Variants in PCBD2 observed in about 807,000 individuals in gnomAD.
PCBD2 encodes pterin-4-alpha-carbinolamine dehydratase 2.
A neutral mutation model predicts 16.4 loss-of-function variants in PCBD2; 12 were observed. The ratio of observed to expected loss-of-function variants is 0.73; its 90% CI spans 0.47 to 1.19. The LOEUF (loss-of-function observed/expected upper bound fraction) is 1.19, where lower values mean the gene tolerates loss of function less well. Ranked by LOEUF, PCBD2 falls within the 50% of genes most tolerant of loss-of-function variation. PCBD2 has a pLI of 0.00. For synonymous variants in PCBD2, 58 were observed against 61.8 expected (o/e 0.94, Z 0.29); for missense variants, 138 against 156.8 (o/e 0.88, Z 0.64).
chr5:134,956,537 T>TG (rs1751417172), intron 2 of PCBD2, among the ~76,000 whole-genome samples: 1 of 152,252 alleles, frequency 6.6e-6, no homozygotes, highest in Non-Finnish European at 1.5e-5. Flanking sequence ...AATGACATGG[T>TG]TCAAAGAAAT....
intron 2 of PCBD2, among the ~76,000 whole-genome samples, chr5:134,914,549 A>G (rs1279364715): frequency 1.3e-5 from 2 of 152,160 alleles, no homozygotes; most frequent in Non-Finnish European, 2.9e-5. Flanking sequence ...CAATGGAGGA[A>G]CAGAGGGACA....
intron 2 of PCBD2, among the ~76,000 whole-genome samples, chr5:134,955,448 C>T (rs750373530): frequency 7.9e-5 from 12 of 151,704 alleles, no homozygotes; most frequent in Non-Finnish European, 1.5e-4. Flanking sequence ...GCTGGGACTA[C>T]AGGCACACGC....
Position 134,960,669 on chromosome 5 carries a change from T to C in PCBD2, c.381T>C (p.Ala127=), listed in dbSNP as rs1178707847. Residue 127 remains alanine, a synonymous_variant, in exon 4 of 4, where the codon GCT becomes GCC. Transcript: ENST00000254908. ...TGGCCAAGTTTATTGAAAAAGCAGCTGCTTCTGTGTGATTTCTTCCAAAAT... is the reference window on the plus strand; with the variant it reads ...TGGCCAAGTTTATTGAAAAAGCAGCCGCTTCTGTGTGATTTCTTCCAAAAT... ...VKLAKFIEKA[A]ASV is the part of the protein sequence containing the mutation. The C allele has an allele frequency of 6.2e-7, 1 of 1,609,548 alleles. No homozygotes were observed. The highest frequency in any genetic ancestry group is 8.5e-7 in the Non-Finnish European group (1 of 1,176,116).
In PCBD2 at chr5:134,927,504, A is replaced by G. The variant is rs1751025849; in HGVS notation, c.216+17038A>G. 7.5e-6 allele frequency: 3 copies of G among 397,998 alleles called. No homozygotes were observed. The East Asian group carries it at 1.1e-4, about 14-fold the overall frequency. 24.7% of individuals were successfully genotyped at this position (397,998 alleles called of 1,614,324 possible). ...TAGTTCTTGGGCAGTAAGAGTGAGT[A>G]ATAGAATATTCAGTGAGCCTAGGGT... On this transcript the variant is annotated intron_variant, in intron 2 of 3. Transcript: ENST00000254908.
intron 2 of PCBD2, among the ~76,000 whole-genome samples, chr5:134,939,507 C>G (rs1314327811): frequency 6.6e-6 from 1 of 151,940 alleles, no homozygotes; most frequent in African/African-American, 2.4e-5. Flanking sequence ...GTGCATAGTG[C>G]CCCTGTCTGT....
At chr5:134,919,855 T>G (rs546878759) in intron 2 of PCBD2, among the ~76,000 whole-genome samples, 4 of 152,328 alleles carry the variant, frequency 2.6e-5, no homozygotes, top group African/African-American at 9.6e-5. Context: ...ATCAATAGCT[T>G]TCGGGTTTGC....
intron 2 of PCBD2, among the ~76,000 whole-genome samples, chr5:134,915,841 G>A (rs1750826097): frequency 6.6e-6 from 1 of 152,122 alleles, no homozygotes; most frequent in Non-Finnish European, 1.5e-5. Flanking sequence ...GCCCTCAGTG[G>A]GGTTTAAGGG....
chr5:134,930,363 A>T (rs1376778090), intron 2 of PCBD2, among the ~76,000 whole-genome samples: 4 of 151,948 alleles, frequency 2.6e-5, no homozygotes, highest in Admixed American at 1.3e-4. Context: ...CCAGGGGAAC[A>T]TAGTGTTTCA....
In PCBD2 at chr5:134,905,159, C is replaced by T; in HGVS notation, c.20C>T (p.Ala7Val). 5 of 1,221,844 alleles carry T rather than the reference C, an allele frequency of 4.1e-6. No homozygotes were observed. The highest frequency in any genetic ancestry group is 5.1e-6 in the Non-Finnish European group (5 of 981,982). The allele number at this position is 1,221,844 out of a possible 1,614,324, so 75.7% of individuals were successfully genotyped here. A position where few individuals can be genotyped will look rare whatever the true frequency, so the allele number is the denominator to read the frequency against. ...CGGCCAATGGCGGCGGTGCTCGGGG[C>T]GCTCGGGGCGACGCGGCGCTTGTTG... Reference protein sequence around the residue: MAAVLGALGATRRLLAA... With the variant: MAAVLGVLGATRRLLAA... Residue 7 changes from alanine (A) to valine (V), a missense_variant, in exon 1 of 4, where the codon GCG becomes GTG. Physicochemically the swap from Ala to Val is moderately conservative, Grantham distance 64 (BLOSUM62 0). Transcript: ENST00000254908.
At chr5:134,908,555 C>T (rs544004896) in intron 1 of PCBD2, among the ~76,000 whole-genome samples, 7 of 151,536 alleles carry the variant, frequency 4.6e-5, no homozygotes, top group African/African-American at 1.7e-4. Flanking sequence ...ATCACAGCTA[C>T]TCAGGAGGCT....
chr5:134,947,191 C>T (rs1227934720), intron 2 of PCBD2, among the ~76,000 whole-genome samples: 2 of 150,792 alleles, frequency 1.3e-5, no homozygotes, highest in Admixed American at 1.3e-4. Context: ...CTCCTGGGTT[C>T]AAGCGATTAT....
intron 2 of PCBD2, chr5:134,924,260 C>CG (rs1357952343): frequency 5.1e-6 from 2 of 392,428 alleles, no homozygotes; most frequent in Non-Finnish European, 9.0e-6. Flanking sequence ...TTCTGAATTA[C>CG]GGGGGAGGTT....
chr5:134,905,298 G>A, intron 1 of PCBD2, 75 bp downstream of exon 1: 2 of 1,171,060 alleles, frequency 1.7e-6, no homozygotes, highest in Non-Finnish European at 2.1e-6. Flanking sequence ...GTCGGCTGAG[G>A]GACCAGCGGG....
intron 2 of PCBD2, among the ~76,000 whole-genome samples, chr5:134,922,793 G>A (rs1750920432): frequency 6.6e-6 from 1 of 151,938 alleles, no homozygotes; most frequent in Admixed American, 6.6e-5. Context: ...CTCCCGAGTA[G>A]CTGGGATTAC....
chr5:134,959,736 A>G (rs1194519437), intron 3 of PCBD2, among the ~76,000 whole-genome samples: 1 of 152,182 alleles, frequency 6.6e-6, no homozygotes, highest in African/African-American at 2.4e-5. Flanking sequence ...GTGACTTAAT[A>G]GAATAACTCA....
intron 1 of PCBD2, 39 bp downstream of exon 1, chr5:134,905,262 C>A (rs1750670425): frequency 1.7e-6 from 2 of 1,161,424 alleles, no homozygotes; most frequent in Admixed American, 4.4e-5. Context: ...GGTCCGGGGT[C>A]GGGGGGCGGT....
chr5:134,955,309 G>GTTT (rs201125597), intron 2 of PCBD2, among the ~76,000 whole-genome samples: 5 of 131,112 alleles, frequency 3.8e-5, no homozygotes, highest in Non-Finnish European at 4.9e-5. Context: ...AGCAACAATG[G>GTTT]TTTTTTTTTT....
At chr5:134,940,170 T>A (rs930367807) in intron 2 of PCBD2, among the ~76,000 whole-genome samples, 1 of 152,190 alleles carries the variant, frequency 6.6e-6, no homozygotes, top group African/African-American at 2.4e-5. Context: ...TAATTTTCCA[T>A]TATACTCTGC....
intron 1 of PCBD2, among the ~76,000 whole-genome samples, chr5:134,906,195 T>TA (rs70976559): frequency 1.5e-4 from 2 of 13,696 alleles, no homozygotes; most frequent in African/African-American, 4.9e-4. Context: ...AATAGAAGAA[T>TA]TTTTTTTTTT....
Sources: gnomAD v4.1 joint callset for allele counts (sites outside exome capture counted in the v4.1 genomes callset) on GRCh38, gnomAD v4.1.1 for gene constraint, MANE v1.5 for transcripts, NCBI Gene and HGNC (gene_info 2026-07-23, HGNC 2026-07-21) for gene names.